NPAS3: variants seen among roughly 807,000 people sequenced by gnomAD.
The protein encoded by NPAS3 is neuronal PAS domain protein 3.
Under a neutral mutation model 73.1 loss-of-function variants are expected in NPAS3, and 14 were observed. The observed-to-expected ratio is 0.19, with a 90% CI of 0.13 to 0.30. The LOEUF (loss-of-function observed/expected upper bound fraction) is 0.30, where lower values mean the gene tolerates loss of function less well. NPAS3 is among the 10% of genes least tolerant of loss of function. The pLI is 1.00. For synonymous variants in NPAS3, 620 were observed against 541.5 expected, an observed-to-expected ratio of 1.14 and a Z score of -2.01; for missense variants, 1,096 against 1,250.0, an observed-to-expected ratio of 0.88 and a Z score of 1.86.
chr14:33,442,385 C>T (rs2049291556), intron 4 of NPAS3, among the ~76,000 whole-genome samples: 2 of 150,826 alleles, frequency 1.3e-5, no homozygotes, highest in South Asian at 4.2e-4. Flanking sequence ...TGGAATCCAG[C>T]CTGGGCAACA....
chr14:33,254,399 T>G lies in NPAS3; in HGVS notation c.385+38973T>G, dbSNP rs544364361. Reference sequence around the variant, plus strand: ...GGGTTTCCAGTGTCCACTCAGATACTCAGGTGAGGTCTCTTGAACTCCCCA... The same window carrying G: ...GGGTTTCCAGTGTCCACTCAGATACGCAGGTGAGGTCTCTTGAACTCCCCA... On this transcript the variant is annotated intron_variant, in intron 3 of 11. Coordinates refer to ENST00000356141, the Ensembl canonical transcript of NPAS3. 4.6e-5 allele frequency among the ~76,000 whole-genome samples: 7 copies of G among 152,250 alleles called. No individual in the cohort carries two copies. The East Asian group carries it at 1.3e-3, about 29-fold the overall frequency.
intron 3 of NPAS3, among the ~76,000 whole-genome samples, chr14:33,231,952 T>C (rs954595970): frequency 6.6e-6 from 1 of 152,196 alleles, no homozygotes; most frequent in African/African-American, 2.4e-5. Flanking sequence ...AAAATCATTT[T>C]CTATAAATGC....
intron 3 of NPAS3, among the ~76,000 whole-genome samples, chr14:33,270,413 GTGA>G (rs1488218306): frequency 2.0e-5 from 3 of 152,142 alleles, no homozygotes; most frequent in African/African-American, 7.2e-5. Context: ...CCACCTGGTG[GTGA>G]TGATATTTAT....
At chr14:33,474,046 T>C (rs1311952046) in intron 4 of NPAS3, among the ~76,000 whole-genome samples, 1 of 152,108 alleles carries the variant, frequency 6.6e-6, no homozygotes, top group Non-Finnish European at 1.5e-5. Flanking sequence ...GCTGGTGAGG[T>C]GGCAGAGTCT....
chr14:33,710,254 C>G (rs1221384572), intron 6 of NPAS3, among the ~76,000 whole-genome samples: 4 of 152,190 alleles, frequency 2.6e-5, no homozygotes, highest in African/African-American at 9.6e-5. Context: ...AACACAGAGA[C>G]ATCCGCAGTT....
chr14:33,270,362 C>G (rs572265684), intron 3 of NPAS3, among the ~76,000 whole-genome samples: 3 of 152,248 alleles, frequency 2.0e-5, no homozygotes, highest in Admixed American at 2.0e-4. Context: ...CAAAGGACTT[C>G]CACAAAATAC....
chr14:33,760,858 C>T (rs933916311), intron 7 of NPAS3, among the ~76,000 whole-genome samples: 10 of 152,124 alleles, frequency 6.6e-5, no homozygotes, highest in East Asian at 1.9e-4. Context: ...TGTAATATTT[C>T]GGCACTAATG....
chr14:33,257,865 T>C (rs2048834698), intron 3 of NPAS3, among the ~76,000 whole-genome samples: 1 of 152,156 alleles, frequency 6.6e-6, no homozygotes, highest in South Asian at 2.1e-4. Context: ...CAAGGGTATA[T>C]TTTATGCCAG....
chr14:33,333,331 A>T (rs545530600), intron 3 of NPAS3, among the ~76,000 whole-genome samples: 1 of 152,332 alleles, frequency 6.6e-6, no homozygotes, highest in Admixed American at 6.5e-5. Flanking sequence ...ATTAGCAAAC[A>T]GATGTTTAAC....
intron 1 of NPAS3, among the ~76,000 whole-genome samples, chr14:32,968,177 C>T (rs1490044034): frequency 6.6e-6 from 1 of 151,960 alleles, no homozygotes; most frequent in Non-Finnish European, 1.5e-5. Context: ...AGTAGGATGA[C>T]TACAGTCAAT....
chr14:33,258,870 G>C (rs1414713592), intron 3 of NPAS3, among the ~76,000 whole-genome samples: 1 of 152,186 alleles, frequency 6.6e-6, no homozygotes, highest in Non-Finnish European at 1.5e-5. Flanking sequence ...CTGGAGTGCA[G>C]TGGCGTGATC....
intron 2 of NPAS3, among the ~76,000 whole-genome samples, chr14:33,158,253 A>AG (rs1358423409): frequency 6.6e-6 from 1 of 152,198 alleles, no homozygotes; most frequent in Non-Finnish European, 1.5e-5. Context: ...TTGAATTTTT[A>AG]GGCCCAGCCT....
intron 1 of NPAS3, among the ~76,000 whole-genome samples, chr14:33,011,863 G>A (rs941244548): frequency 1.3e-5 from 2 of 152,144 alleles, no homozygotes; most frequent in Admixed American, 1.3e-4. Flanking sequence ...CTTGGTTTGT[G>A]GCAGACATGA....
chr14:33,301,907 C>T lies in NPAS3; in HGVS notation c.386-65279C>T, dbSNP rs188614483. Among the ~76,000 whole-genome samples, 10 of 152,164 alleles carry T rather than the reference C, an allele frequency of 6.6e-5. No individual in the cohort carries two copies. The East Asian group carries it at 9.7e-4, about 15-fold the overall frequency. On this transcript the variant is annotated intron_variant, in intron 3 of 11. Transcript: ENST00000356141. The stretch of plus-strand genomic sequence containing the variant: ...CTTATAACTCTACAAATATGTTTTT[C>T]GTATAATATAAAAGAAACAGGCCAA...
intron 2 of NPAS3, among the ~76,000 whole-genome samples, chr14:33,111,765 A>G (rs556713573): frequency 6.6e-6 from 1 of 151,354 alleles, no homozygotes; most frequent in Non-Finnish European, 1.5e-5. Flanking sequence ...GCACCCGTTA[A>G]CTCATCATTT....
chr14:33,721,287 G>A (rs2061103266), intron 6 of NPAS3, among the ~76,000 whole-genome samples: 1 of 152,038 alleles, frequency 6.6e-6, no homozygotes, highest in Non-Finnish European at 1.5e-5. Context: ...TTAGAGAAAA[G>A]GTTGTAGATA....
At chr14:32,971,026 C>T (rs1240349635) in intron 1 of NPAS3, among the ~76,000 whole-genome samples, 3 of 151,906 alleles carry the variant, frequency 2.0e-5, no homozygotes, top group South Asian at 2.1e-4. Context: ...ATGGCACTCT[C>T]TCTTCTCTGT....
At chr14:33,526,124 C>T (rs531610945) in intron 4 of NPAS3, among the ~76,000 whole-genome samples, 5 of 152,202 alleles carry the variant, frequency 3.3e-5, no homozygotes, top group African/African-American at 1.2e-4. Context: ...ACCGGTATTC[C>T]AGCCTTAGAA....
At chr14:33,649,071 C>T (rs2058915779) in intron 5 of NPAS3, among the ~76,000 whole-genome samples, 1 of 152,180 alleles carries the variant, frequency 6.6e-6, no homozygotes, top group Non-Finnish European at 1.5e-5. Context: ...AATTTGAGTT[C>T]ATTCTAACCA....
Sources: allele counts gnomAD v4.1 joint callset (sites outside exome capture counted in the v4.1 genomes callset), GRCh38; gene constraint gnomAD v4.1.1; transcripts MANE v1.5; gene names NCBI Gene and HGNC (gene_info 2026-07-23, HGNC 2026-07-21).